Variants in CTNNA2 observed in about 807,000 individuals in gnomAD.
CTNNA2 encodes the protein catenin alpha-2.
CTNNA2 carries 42 observed loss-of-function variants against 101.0 expected under a neutral mutation model. That is an observed-to-expected ratio of 0.42 (90% CI 0.32 to 0.54). CTNNA2 has a LOEUF of 0.54. CTNNA2 is among the 20% of genes least tolerant of loss of function. The probability of loss-of-function intolerance (pLI) is 0.14; values close to 1 mark genes in which losing one functional copy is unlikely to be tolerated. For missense variants in CTNNA2, 871 were observed against 1,223.1 expected (o/e 0.71, Z 4.29); for synonymous variants, 450 against 456.4 (o/e 0.99, Z 0.18).
rs540580196 is a variant in CTNNA2, at chr2:80,184,914, C to T, written c.1057-208297C>T. ...AAGAAACATCCTATGCTTAAACATC[C>T]TATCAGCACATCCTAAAGTCAGTTT... is the stretch of plus-strand genomic sequence containing the variant. On this transcript the variant is annotated intron_variant, in intron 7 of 18. Coordinates refer to ENST00000402739, the MANE Select transcript of CTNNA2 (RefSeq NM_001282597.3). Among the ~76,000 whole-genome samples, 6 of 152,324 alleles carry T rather than the reference C, an allele frequency of 3.9e-5. No individual in the cohort carries two copies. In the South Asian group the frequency reaches 6.2e-4, roughly 16 times the overall value.
At chr2:79,929,220 G>A (rs572719756) in intron 7 of CTNNA2, among the ~76,000 whole-genome samples, 1 of 152,224 alleles carries the variant, frequency 6.6e-6, no homozygotes, top group East Asian at 1.9e-4. Context: ...ATTCCAGGGG[G>A]AAATTTATAG....
chr2:79,537,972 C>A (rs55946106), intron 1 of CTNNA2, among the ~76,000 whole-genome samples: 102,297 of 151,904 alleles, frequency 0.67, 34,645 homozygotes, highest in Non-Finnish European at 0.71. Flanking sequence ...CGAATATGAA[C>A]ATTATTGATT....
rs559515561 is a variant in CTNNA2 at position 79,445,954 on chromosome 2, T to A, written c.-134-59100T>A. Among the ~76,000 whole-genome samples, 6 of 152,240 alleles carry A rather than the reference T, an allele frequency of 3.9e-5. No individual in the cohort carries two copies. The East Asian group carries it at 1.2e-3, about 29-fold the overall frequency. On this transcript the variant is annotated intron_variant, in intron 4 of 21. Coordinates refer to the CTNNA2 transcript ENST00000466387. Reference sequence around the variant, plus strand: ...TTTTTTATTTATAGTTCATAAAAGATCTAGAAAGACTTAAAGAGCAAGGTG... The same window carrying A: ...TTTTTTATTTATAGTTCATAAAAGAACTAGAAAGACTTAAAGAGCAAGGTG...
chr2:79,309,354 A>G (rs1396521816), intron 2 of CTNNA2, among the ~76,000 whole-genome samples: 1 of 152,170 alleles, frequency 6.6e-6, no homozygotes, highest in East Asian at 1.9e-4. Context: ...ACACAAATTT[A>G]GTTTAAAAAT....
intron 7 of CTNNA2, among the ~76,000 whole-genome samples, chr2:80,099,659 T>C (rs1374362150): frequency 6.6e-6 from 1 of 151,794 alleles, no homozygotes; most frequent in Non-Finnish European, 1.5e-5. Context: ...CAGATCAGTT[T>C]AGAGAATTTT....
At chr2:79,410,251 G>A (rs1427380074) in intron 4 of CTNNA2, among the ~76,000 whole-genome samples, 10 of 144,382 alleles carry the variant, frequency 6.9e-5, no homozygotes, top group Admixed American at 4.9e-4. Context: ...CTGCAAACAG[G>A]GACAATTTGA....
At chr2:79,973,662 A>C (rs1690644940) in intron 7 of CTNNA2, among the ~76,000 whole-genome samples, 2 of 152,318 alleles carry the variant, frequency 1.3e-5, no homozygotes, top group African/African-American at 4.8e-5. Context: ...AGGGCATTGC[A>C]ATGGACAACC....
At chr2:80,276,887 C>G (rs938988840) in intron 7 of CTNNA2, among the ~76,000 whole-genome samples, 12 of 152,014 alleles carry the variant, frequency 7.9e-5, no homozygotes, top group African/African-American at 2.9e-4. Context: ...GGACAAATAT[C>G]CAAACCACAT....
Position 79,803,269 on chromosome 2 carries a change from C to T in CTNNA2, c.299-54744C>T, listed in dbSNP as rs150439095. Among the ~76,000 whole-genome samples the T allele has an allele frequency of 3.9e-3, 597 of 152,220 alleles. 4 individuals are homozygous for T. Among genetic ancestry groups the T allele is most frequent in the Middle Eastern group, 0.017 (5 of 294 alleles). On this transcript the variant is annotated intron_variant, in intron 3 of 18. Transcript: ENST00000402739. Reference sequence around the variant, plus strand: ...AGTCAGGGAGACCCTAACCCAGCGGCGCTAGAGGAATTAAGATACACACAC... The same window carrying T: ...AGTCAGGGAGACCCTAACCCAGCGGTGCTAGAGGAATTAAGATACACACAC...
intron 4 of CTNNA2, among the ~76,000 whole-genome samples, chr2:79,445,614 T>G (rs558168955): frequency 6.6e-6 from 1 of 152,274 alleles, no homozygotes; most frequent in African/African-American, 2.4e-5. Context: ...CCTAATCACC[T>G]GTTGATTAGT....
chr2:79,541,816 G>A (rs553465464), intron 1 of CTNNA2, among the ~76,000 whole-genome samples: 29 of 151,932 alleles, frequency 1.9e-4, no homozygotes, highest in African/African-American at 6.3e-4. Context: ...TAGTAGAGAC[G>A]GGGTTTCACC....
chr2:80,120,986 A>G (rs1377904999), intron 7 of CTNNA2, among the ~76,000 whole-genome samples: 1 of 152,226 alleles, frequency 6.6e-6, no homozygotes, highest in Non-Finnish European at 1.5e-5. Flanking sequence ...ATGGTACAAC[A>G]TGGCTAATGA....
intron 17 of CTNNA2, among the ~76,000 whole-genome samples, chr2:80,617,932 CT>C (rs1450729833): frequency 6.6e-6 from 1 of 151,592 alleles, no homozygotes; most frequent in Non-Finnish European, 1.5e-5. Context: ...TCTAGGTTTC[CT>C]AAATTTTTTT....
chr2:79,692,411 C>T (rs1684363732), intron 2 of CTNNA2, among the ~76,000 whole-genome samples: 1 of 152,140 alleles, frequency 6.6e-6, no homozygotes, highest in Non-Finnish European at 1.5e-5. Context: ...AATGCTTTTA[C>T]ACGGTTGGTA....
intron 2 of CTNNA2, among the ~76,000 whole-genome samples, chr2:79,684,932 A>C (rs1023979159): frequency 4.6e-5 from 7 of 152,026 alleles, no homozygotes; most frequent in African/African-American, 1.7e-4. Flanking sequence ...GTTCATCATG[A>C]GCTGGGAAAT....
chr2:80,500,886 C>G (rs17019239), intron 9 of CTNNA2, among the ~76,000 whole-genome samples: 21,260 of 151,920 alleles, frequency 0.14, 2,214 homozygotes, highest in East Asian at 0.6. Flanking sequence ...ATTATCTCTC[C>G]TCCAGAAGGC....
intron 4 of CTNNA2, among the ~76,000 whole-genome samples, chr2:79,374,663 A>C (rs1677945933): frequency 6.6e-6 from 1 of 152,050 alleles, no homozygotes; most frequent in Non-Finnish European, 1.5e-5. Flanking sequence ...TTTTAGTGGA[A>C]ATTTGGGAGA....
chr2:79,259,864 T>C (rs1016265254), intron 2 of CTNNA2, among the ~76,000 whole-genome samples: 1 of 152,190 alleles, frequency 6.6e-6, no homozygotes, highest in Admixed American at 6.5e-5. Context: ...CCCCAGCCTA[T>C]GCAGATAGAT....
chr2:80,159,999 A>T (rs893256737), intron 7 of CTNNA2, among the ~76,000 whole-genome samples: 1 of 152,024 alleles, frequency 6.6e-6, no homozygotes, highest in Non-Finnish European at 1.5e-5. Context: ...TGTTAATTTT[A>T]TGTAAGATGT....
Sources: allele counts gnomAD v4.1 joint callset (sites outside exome capture counted in the v4.1 genomes callset), GRCh38; gene constraint gnomAD v4.1.1; transcripts MANE v1.5; gene names NCBI Gene and HGNC (gene_info 2026-07-23, HGNC 2026-07-21).